Variants in ZDHHC7 observed in about 807,000 individuals in gnomAD.
The protein encoded by ZDHHC7 is zDHHC palmitoyltransferase 7.
A neutral mutation model predicts 34.1 loss-of-function variants in ZDHHC7; 12 were observed. The observed-to-expected ratio is 0.35, with a 90% CI of 0.23 to 0.57. The LOEUF (loss-of-function observed/expected upper bound fraction) is 0.57. Ranked by LOEUF, ZDHHC7 falls within the 20% of genes least tolerant of loss-of-function variation. The pLI, the probability that ZDHHC7 is intolerant of heterozygous loss-of-function variation, is 0.84. For synonymous variants in ZDHHC7, 185 were observed against 155.4 expected (o/e 1.19, Z -1.42); for missense variants, 388 against 402.7 (o/e 0.96, Z 0.31).
chr16:85,005,945 C>T (rs1273315963), intron 1 of ZDHHC7, among the ~76,000 whole-genome samples: 1 of 152,218 alleles, frequency 6.6e-6, no homozygotes, highest in Non-Finnish European at 1.5e-5. Flanking sequence ...TCTGATCCTT[C>T]TCACCTTTCC....
the ZDHHC7 span, among the ~76,000 whole-genome samples, chr16:85,023,987 A>G: frequency 2.0e-5 from 3 of 151,982 alleles, no homozygotes; most frequent in Admixed American, 2.0e-4. Context: ...GTAGGATCTC[A>G]GCTCACTGCA....
chr16:84,984,469 A>C (rs963660211), intron 3 of ZDHHC7, among the ~76,000 whole-genome samples: 2 of 152,182 alleles, frequency 1.3e-5, no homozygotes, highest in Non-Finnish European at 2.9e-5. Flanking sequence ...TTAAAACTCC[A>C]AACACCGTAA....
At chr16:85,002,018 T>G (rs1241208148) in intron 1 of ZDHHC7, among the ~76,000 whole-genome samples, 1 of 152,008 alleles carries the variant, frequency 6.6e-6, no homozygotes, top group Admixed American at 6.6e-5. Context: ...TGGGGACAGG[T>G]GGGCTCATGA....
chr16:84,999,796 C>T (rs1271455940), intron 1 of ZDHHC7, among the ~76,000 whole-genome samples: 1 of 152,100 alleles, frequency 6.6e-6, no homozygotes, highest in Non-Finnish European at 1.5e-5. Context: ...CAGGCATATG[C>T]GTTTGTCAAA....
chr16:85,014,301 T>C (rs1597573057), upstream of ZDHHC7, among the ~76,000 whole-genome samples: 1 of 152,194 alleles, frequency 6.6e-6, no homozygotes, highest in South Asian at 2.1e-4. Context: ...GGATCGTTTA[T>C]AGAGAAATAG....
chr16:84,982,782 A>T (rs1402633246), intron 3 of ZDHHC7, among the ~76,000 whole-genome samples: 1 of 152,268 alleles, frequency 6.6e-6, no homozygotes, highest in East Asian at 1.9e-4. Context: ...ACATGCATCC[A>T]TCTGTGCCCC....
intron 4 of ZDHHC7, 91 bp downstream of exon 4, chr16:84,981,779 C>G: frequency 1.2e-6 from 2 of 1,601,142 alleles, no homozygotes; most frequent in Non-Finnish European, 1.7e-6. Flanking sequence ...GGGCCATGTA[C>G]CTACGGTGGT....
At chr16:84,982,021 G>C (rs1361901214) in intron 3 of ZDHHC7, 27 bp from the exon 4 acceptor site, 2 of 1,613,198 alleles carry the variant, frequency 1.2e-6, no homozygotes, top group Non-Finnish European at 1.7e-6. Flanking sequence ...ATGTACTTTA[G>C]TTGGGGAGAA....
Position 84,984,676 on chromosome 16 carries a change from C to G in ZDHHC7, c.316-2682G>C, listed in dbSNP as rs991498110. On this transcript the variant is annotated intron_variant, in intron 3 of 7. Coordinates refer to ENST00000313732, the MANE Select transcript of ZDHHC7 (RefSeq NM_017740.3). ...ACCTGAGACTATGTGGGATTTCAGG[C>G]ACTTGCTGGGTCCAGGGATTCCTTT... is the stretch of plus-strand genomic sequence containing the variant. 2.0e-5 allele frequency among the ~76,000 whole-genome samples: 3 copies of G among 152,282 alleles called. No homozygotes were observed. The East Asian group carries it at 5.8e-4, about 29-fold the overall frequency.
chr16:84,986,922 C>G (rs976356881), intron 3 of ZDHHC7, among the ~76,000 whole-genome samples: 6 of 152,180 alleles, frequency 3.9e-5, no homozygotes, highest in African/African-American at 1.4e-4. Flanking sequence ...GAAATCAACT[C>G]CCCACTGGGA....
chr16:85,002,026 T>C (rs547893736), intron 1 of ZDHHC7, among the ~76,000 whole-genome samples: 1 of 152,104 alleles, frequency 6.6e-6, no homozygotes, highest in East Asian at 1.9e-4. Flanking sequence ...GGTGGGCTCA[T>C]GAAAGGGATA....
intron 3 of ZDHHC7, among the ~76,000 whole-genome samples, chr16:84,985,304 G>A (rs1184524848): frequency 6.6e-6 from 1 of 152,224 alleles, no homozygotes; most frequent in African/African-American, 2.4e-5. Flanking sequence ...CCCTTCCAGG[G>A]CAGTTAGGCT....
In ZDHHC7 at chr16:84,976,445, A is replaced by G; in HGVS notation, c.825T>C (p.Phe275=). The G allele has an allele frequency of 6.2e-7, 1 of 1,614,110 alleles. No individual in the cohort carries two copies. Among genetic ancestry groups the G allele is most frequent in the Non-Finnish European group, 8.5e-7 (1 of 1,180,004 alleles). ...TCCAGAGGAGTGAGGGGGGCCCCCCAAAGACGGACTTCATCCCTTCCCATC... is the reference window on the plus strand; with the variant it reads ...TCCAGAGGAGTGAGGGGGGCCCCCCGAAGACGGACTTCATCCCTTCCCATC... ...RLRWEGMKSV[F]GGPPSLLWMN... Residue 275 remains phenylalanine, a synonymous_variant, in exon 8 of 8, where the codon TTT becomes TTC. Transcript: ENST00000313732.
At chr16:85,003,962 G>A (rs955326349) in intron 1 of ZDHHC7, among the ~76,000 whole-genome samples, 5 of 152,042 alleles carry the variant, frequency 3.3e-5, no homozygotes, top group African/African-American at 9.7e-5. Flanking sequence ...CTTAGTCCTC[G>A]GCCTTCCCTT....
intron 7 of ZDHHC7, 133 bp from the exon 8 acceptor site, chr16:84,976,652 G>C (rs1381506617): frequency 7.9e-7 from 1 of 1,272,812 alleles, no homozygotes; most frequent in African/African-American, 1.5e-5. Context: ...CTCCTTCCCA[G>C]CTCTGCCCCG....
chr16:84,998,133 G>A (rs1052951328), intron 1 of ZDHHC7, among the ~76,000 whole-genome samples: 2 of 150,846 alleles, frequency 1.3e-5, no homozygotes, highest in African/African-American at 2.4e-5. Context: ...GCGTGGTGGC[G>A]GGCGCCTGCA....
chr16:85,001,439 C>G (rs1307452801), intron 1 of ZDHHC7, among the ~76,000 whole-genome samples: 1 of 128,168 alleles, frequency 7.8e-6, no homozygotes, highest in East Asian at 2.3e-4. Context: ...CCACTGCACT[C>G]CAGCCTGGGC....
intron 1 of ZDHHC7, 74 bp downstream of exon 1, chr16:85,011,212 G>A (rs1025896241): frequency 6.6e-6 from 1 of 152,468 alleles, no homozygotes. Context: ...GGAAGGACAG[G>A]GCACGCCGGG....
intron 1 of ZDHHC7, among the ~76,000 whole-genome samples, chr16:84,999,988 A>T (rs12596035): frequency 0.34 from 51,810 of 151,328 alleles, 9,982 homozygotes; most frequent in African/African-American, 0.53. Flanking sequence ...TACAAAAAAA[A>T]TTTTTTAAAA....
Sources: gnomAD v4.1 joint callset for allele counts (sites outside exome capture counted in the v4.1 genomes callset) on GRCh38, gnomAD v4.1.1 for gene constraint, MANE v1.5 for transcripts, NCBI Gene and HGNC (gene_info 2026-07-23, HGNC 2026-07-21) for gene names.